Variants in CARS2 observed in about 807,000 individuals in gnomAD.
CARS2 encodes cysteinyl-tRNA synthetase 2, mitochondrial, also known as probable cysteine--tRNA ligase, mitochondrial.
A neutral mutation model predicts 68.8 loss-of-function variants in CARS2; 52 were observed. That is an observed-to-expected ratio of 0.76 (90% CI 0.61 to 0.95). The LOEUF (loss-of-function observed/expected upper bound fraction) is 0.95. Among genes scored for constraint, CARS2 ranks in the 40% least tolerant of loss-of-function variants. The pLI is 0.00. For synonymous variants in CARS2, 314 were observed against 303.6 expected (o/e 1.03, Z -0.36); for missense variants, 780 against 754.2 (o/e 1.03, Z -0.40).
At chr13:110,708,077 T>C (rs2063998023), upstream of CARS2, among the ~76,000 whole-genome samples, 1 of 152,234 alleles carries the variant, frequency 6.6e-6, no homozygotes, top group Non-Finnish European at 1.5e-5. Flanking sequence ...TTTATCTCCC[T>C]GAGTATCTTA....
chr13:110,658,010 G>A (rs190647812), intron 9 of CARS2, among the ~76,000 whole-genome samples: 30 of 152,256 alleles, frequency 2.0e-4, no homozygotes, highest in African/African-American at 7.2e-4. Context: ...ACGAACTACA[G>A]GAGATAGAAG....
chr13:110,679,597 A>AAGAAAGAGAGAGAG (rs1312030282), intron 6 of CARS2, among the ~76,000 whole-genome samples: 1 of 43,618 alleles, frequency 2.3e-5, no homozygotes, highest in African/African-American at 5.4e-5. Context: ...GAAAGAAAGA[A>AAGAAAGAGAGAGAG]AGAGAGAGAG....
rs10668818 is a variant in CARS2, at chr13:110,685,992, G to GAAA, written c.571+1726_571+1728dup. 5.7e-3 allele frequency among the ~76,000 whole-genome samples: 735 copies of GAAA among 128,754 alleles called. 11 individuals are homozygous for GAAA. The highest frequency in any genetic ancestry group is 9.7e-3 in the African/African-American group (328 of 33,786). 84.5% of individuals were successfully genotyped at this position (128,754 alleles called of 152,430 possible). ...CTACATGTGCTTACCCAGAAAAAAT[G>GAAA]AAAAAAAAAAAAAAAGAGAAAAAAA... On this transcript the variant is annotated intron_variant, in intron 5 of 14. Transcript: ENST00000257347.
chr13:110,667,484 C>T lies in CARS2; in HGVS notation c.786-11G>A, dbSNP rs374623780. Reference sequence around the variant, plus strand: ...CTTCCAAATACCATACTGCAAGACACAGTGCAAAGTAGTGAATTCATTCAA... The same window carrying T: ...CTTCCAAATACCATACTGCAAGACATAGTGCAAAGTAGTGAATTCATTCAA... On this transcript the variant is annotated splice_polypyrimidine_tract_variant and intron_variant, in intron 7 of 14. Coordinates refer to ENST00000257347, the MANE Select transcript of CARS2 (RefSeq NM_024537.4). 7 of 1,612,438 alleles carry T rather than the reference C, an allele frequency of 4.3e-6. No individual in the cohort carries two copies. The highest frequency in any genetic ancestry group is 5.9e-6 in the Non-Finnish European group (7 of 1,179,248).
chr13:110,695,502 C>T (rs1173285269), intron 3 of CARS2, among the ~76,000 whole-genome samples: 1 of 151,942 alleles, frequency 6.6e-6, no homozygotes, highest in Non-Finnish European at 1.5e-5. Flanking sequence ...AAAACAAAAG[C>T]ATATATATTC....
intron 3 of CARS2, among the ~76,000 whole-genome samples, chr13:110,692,035 C>CATATAT (rs749625373): frequency 1.8e-5 from 1 of 55,990 alleles, no homozygotes; most frequent in Non-Finnish European, 4.2e-5. Context: ...CACACACACA[C>CATATAT]ATATATATAT....
In CARS2 at chr13:110,641,622, G is replaced by A. The variant is rs1887303382; in HGVS notation, c.1624-14C>T. Reference sequence around the variant, plus strand: ...ACTGCTTCTGTCCTGGAGAAGAAGAGTGAGGTCCAACTCTGAGCAGACACC... The same window carrying A: ...ACTGCTTCTGTCCTGGAGAAGAAGAATGAGGTCCAACTCTGAGCAGACACC... On this transcript the variant is annotated splice_polypyrimidine_tract_variant and intron_variant, in intron 14 of 14. Coordinates refer to ENST00000257347, the MANE Select transcript of CARS2 (RefSeq NM_024537.4). 8 of 1,608,462 alleles carry A rather than the reference G, an allele frequency of 5.0e-6. No individual in the cohort carries two copies. The highest frequency in any genetic ancestry group is 6.8e-6 in the Non-Finnish European group (8 of 1,175,364).
intron 7 of CARS2, among the ~76,000 whole-genome samples, chr13:110,672,808 T>A (rs1173539804): frequency 1.3e-5 from 2 of 152,096 alleles, no homozygotes; most frequent in Non-Finnish European, 1.5e-5. Flanking sequence ...ACAAAATTGA[T>A]AGACCGCTAG....
At chr13:110,654,367 CAT>C (rs1017046990) in intron 9 of CARS2, among the ~76,000 whole-genome samples, 2 of 152,154 alleles carry the variant, frequency 1.3e-5, no homozygotes, top group Non-Finnish European at 2.9e-5. Context: ...CCCAGGCTAT[CAT>C]AAAGGTCTAT....
At position 110,644,495 on chromosome 13, in the gene CARS2, C is replaced by T. The variant is rs191969046; in HGVS notation, c.1318-12G>A. On this transcript the variant is annotated splice_polypyrimidine_tract_variant and intron_variant, in intron 12 of 14. Coordinates refer to ENST00000257347, the MANE Select transcript of CARS2 (RefSeq NM_024537.4). ...GGCCCTTCAGGTTCCTGTAAGAGAT[C>T]ATGTCGCAGAAGCTCCTTAAAAGCA... 3,737 of 1,613,762 alleles carry T rather than the reference C, an allele frequency of 2.3e-3. 9 individuals carry two copies. The highest frequency in any genetic ancestry group is 2.8e-3 in the Non-Finnish European group (3,332 of 1,179,902).
intron 3 of CARS2, among the ~76,000 whole-genome samples, chr13:110,691,071 A>G (rs1032913300): frequency 2.0e-5 from 3 of 152,118 alleles, no homozygotes; most frequent in African/African-American, 7.2e-5. Context: ...GCTGGAGTGC[A>G]ATGGCACAAT....
At chr13:110,650,075 T>C (rs1393271120) in intron 10 of CARS2, among the ~76,000 whole-genome samples, 1 of 151,766 alleles carries the variant, frequency 6.6e-6, no homozygotes, top group Non-Finnish European at 1.5e-5. Context: ...TAGCTGAGAT[T>C]ACAGGTGCAT....
At chr13:110,683,499 C>T (rs1026738407) in intron 5 of CARS2, among the ~76,000 whole-genome samples, 14 of 152,156 alleles carry the variant, frequency 9.2e-5, no homozygotes, top group Admixed American at 2.0e-4. Context: ...AGTACACAGA[C>T]GTGAAAGTGA....
chr13:110,641,658 G>A (rs1351097816), intron 14 of CARS2, 50 bp from the exon 15 acceptor site: 1 of 1,432,704 alleles, frequency 7.0e-7, no homozygotes, highest in South Asian at 1.1e-5. Flanking sequence ...ACGTCATGTG[G>A]CACAGGGGGC....
rs117232903 is a variant in CARS2 at position 110,685,963 on chromosome 13, G to C, written c.571+1758C>G. Among the ~76,000 whole-genome samples, 686 of 119,072 alleles carry C rather than the reference G, an allele frequency of 5.8e-3. 9 individuals are homozygous for C. Among genetic ancestry groups the C allele is most frequent in the East Asian group, 0.044 (166 of 3,808 alleles). 78.1% of individuals were successfully genotyped at this position (119,072 alleles called of 152,430 possible). ...AGGAAAACTGACCTGTCAGAGTCTT[G>C]AATCTACATGTGCTTACCCAGAAAA... On this transcript the variant is annotated intron_variant, in intron 5 of 14. Transcript: ENST00000257347.
At chr13:110,645,917 AC>A in intron 12 of CARS2, 49 bp downstream of exon 12, 1 of 1,596,934 alleles carries the variant, frequency 6.3e-7, no homozygotes, top group Non-Finnish European at 8.5e-7. Flanking sequence ...AGAGGACCCG[AC>A]CCATGCCCCT....
chr13:110,643,139 T>C (rs2139670356), intron 13 of CARS2: 1 of 220,958 alleles, frequency 4.5e-6, no homozygotes, highest in South Asian at 5.8e-5. Context: ...ATTGCTTCCA[T>C]GATAAAAGAC....
intron 1 of CARS2, chr13:110,712,575 C>G (rs966224868): frequency 3.0e-6 from 1 of 331,364 alleles, no homozygotes; most frequent in Non-Finnish European, 5.8e-6. Context: ...GCAACGGGCT[C>G]GCGTGGCGTC....
chr13:110,713,332 C>G (rs1387272466), exon 1 of CARS2: 7 of 1,126,982 alleles, frequency 6.2e-6, no homozygotes, highest in Non-Finnish European at 7.6e-6. Context: ...GTCCCGCGGC[C>G]CGTTAGGTCC....
Sources: allele counts gnomAD v4.1 joint callset (sites outside exome capture counted in the v4.1 genomes callset), GRCh38; gene constraint gnomAD v4.1.1; transcripts MANE v1.5; gene names NCBI Gene and HGNC (gene_info 2026-07-23, HGNC 2026-07-21).